RTL4: variants seen among roughly 807,000 people sequenced by gnomAD.
RTL4 encodes the protein retrotransposon Gag-like protein 4.
RTL4 carries 4 observed loss-of-function variants against 5.3 expected under a neutral mutation model. The ratio of observed to expected loss-of-function variants is 0.75; its 90% CI spans 0.37 to 1.72. The LOEUF is 1.72. Among genes scored for constraint, RTL4 ranks in the 40% most tolerant of loss-of-function variants. The pLI, the probability that RTL4 is intolerant of heterozygous loss-of-function variation, is 0.04. For synonymous variants in RTL4, 98 were observed against 87.3 expected, an observed-to-expected ratio of 1.12 and a Z score of -0.68; for missense variants, 260 against 227.1, an observed-to-expected ratio of 1.14 and a Z score of -0.93.
chrX:112,300,545 A>G, the RTL4 span, among the ~76,000 whole-genome samples: 2 of 112,280 alleles, frequency 1.8e-5, no homozygotes, highest in Non-Finnish European at 3.8e-5. Context: ...GAAACTGAGC[A>G]TGCATGTATA....
the RTL4 span, among the ~76,000 whole-genome samples, chrX:112,358,591 C>G: frequency 9.0e-6 from 1 of 111,314 alleles, no homozygotes; most frequent in African/African-American, 3.3e-5. Flanking sequence ...GGCATGACAA[C>G]CCAGTCGCTC....
the RTL4 span, among the ~76,000 whole-genome samples, chrX:112,172,944 G>T: frequency 9.6e-6 from 1 of 104,242 alleles, no homozygotes; most frequent in Non-Finnish European, 2.0e-5. Flanking sequence ...TTATAAGTGG[G>T]AGCTGAGCAA....
chrX:112,310,887 T>C, the RTL4 span, among the ~76,000 whole-genome samples: 1 of 94,435 alleles, frequency 1.1e-5, no homozygotes, highest in African/African-American at 3.9e-5. Flanking sequence ...AATATATGTA[T>C]GTATTATTTT....
At chrX:112,287,468 C>T in the RTL4 span, among the ~76,000 whole-genome samples, 4 of 111,832 alleles carry the variant, frequency 3.6e-5, no homozygotes, top group African/African-American at 1.3e-4. Flanking sequence ...GTATATCTGA[C>T]AATTTACTAA....
chrX:112,101,339 A>AGGG, the RTL4 span, among the ~76,000 whole-genome samples: 1 of 112,154 alleles, frequency 8.9e-6, no homozygotes, highest in South Asian at 3.6e-4. Flanking sequence ...TTAAACAGTA[A>AGGG]TGGTGAATGA....
At chrX:112,394,557 C>G in the RTL4 span, among the ~76,000 whole-genome samples, 2 of 111,554 alleles carry the variant, frequency 1.8e-5, no homozygotes, top group Non-Finnish European at 3.8e-5. Context: ...GAGCCTAACA[C>G]TCCAGACTAT....
the RTL4 span, among the ~76,000 whole-genome samples, chrX:112,205,844 AC>A: frequency 2.7e-5 from 3 of 112,245 alleles, no homozygotes; most frequent in African/African-American, 6.5e-5. Context: ...ATCTGATTAA[AC>A]ATGGTCTAGC....
At chrX:112,243,680 T>C in the RTL4 span, among the ~76,000 whole-genome samples, 1 of 111,860 alleles carries the variant, frequency 8.9e-6, no homozygotes, top group Non-Finnish European at 1.9e-5. Context: ...GAAAGGTTTT[T>C]TGTGTCTCTA....
the RTL4 span, among the ~76,000 whole-genome samples, chrX:112,310,409 TA>T: frequency 4.9e-3 from 130 of 26,734 alleles, 1 homozygote; most frequent in East Asian, 0.087. Flanking sequence ...TATATATATA[TA>T]TATATTTAAT....
the RTL4 span, among the ~76,000 whole-genome samples, chrX:112,120,775 T>C: frequency 5.4e-5 from 6 of 111,621 alleles, no homozygotes; most frequent in African/African-American, 2.0e-4. Flanking sequence ...GAAACATCAC[T>C]CTTTTCCTGC....
chrX:112,167,514 A>G, the RTL4 span, among the ~76,000 whole-genome samples: 1 of 111,343 alleles, frequency 9.0e-6, no homozygotes, highest in African/African-American at 3.3e-5. Context: ...TCATATTTAC[A>G]TCACTGAAAC....
the RTL4 span, among the ~76,000 whole-genome samples, chrX:112,303,251 C>G: frequency 2.7e-5 from 3 of 111,249 alleles, no homozygotes; most frequent in Non-Finnish European, 5.7e-5. Context: ...ATACCAAACA[C>G]AAAAAATACC....
chrX:112,402,949 T>G, the RTL4 span, among the ~76,000 whole-genome samples: 1 of 111,541 alleles, frequency 9.0e-6, no homozygotes, highest in Non-Finnish European at 1.9e-5. Context: ...TGTGAAAGGA[T>G]TTCACAGAAG....
At chrX:112,221,600 T>C in the RTL4 span, among the ~76,000 whole-genome samples, 2 of 112,112 alleles carry the variant, frequency 1.8e-5, no homozygotes, top group Non-Finnish European at 3.8e-5. Flanking sequence ...TCTTTACCAA[T>C]AATTTTAGTT....
At chrX:112,153,678 C>G in the RTL4 span, among the ~76,000 whole-genome samples, 2 of 111,382 alleles carry the variant, frequency 1.8e-5, no homozygotes, top group African/African-American at 6.5e-5. Flanking sequence ...GTGTGTTTGG[C>G]TGTTTCAGTA....
the RTL4 span, among the ~76,000 whole-genome samples, chrX:112,342,436 A>G: frequency 0.3 from 33,369 of 110,359 alleles, 4,541 homozygotes; most frequent in African/African-American, 0.52. Flanking sequence ...AACCAACCAC[A>G]TAATTCTAGA....
the RTL4 span, among the ~76,000 whole-genome samples, chrX:112,224,305 C>CATTT: frequency 0.033 from 3,001 of 90,727 alleles, 82 homozygotes; most frequent in African/African-American, 0.058. Flanking sequence ...CTTCCAGATA[C>CATTT]ATTTATTTAT....
At chrX:112,271,049 G>GAAAA in the RTL4 span, among the ~76,000 whole-genome samples, 13 of 60,840 alleles carry the variant, frequency 2.1e-4, no homozygotes, top group African/African-American at 3.8e-4. Context: ...CCTGGAGACA[G>GAAAA]AAAAAAAAAA....
chrX:112,441,165 C>G, the RTL4 span, among the ~76,000 whole-genome samples: 1 of 111,245 alleles, frequency 9.0e-6, no homozygotes, highest in East Asian at 2.9e-4. Flanking sequence ...TGTTTGAATA[C>G]CTCCAGTAAT....
Sources: allele counts gnomAD v4.1 joint callset (sites outside exome capture counted in the v4.1 genomes callset), GRCh38; gene constraint gnomAD v4.1.1; transcripts MANE v1.5; gene names NCBI Gene and HGNC (gene_info 2026-07-23, HGNC 2026-07-21).